The following GABRG1 variants were observed in gnomAD, a reference collection of about 807,000 sequenced individuals.
GABRG1 encodes gamma-aminobutyric acid type A receptor subunit gamma1, also known as gamma-aminobutyric acid receptor subunit gamma-1.
Under a neutral mutation model 49.8 loss-of-function variants are expected in GABRG1, and 49 were observed. That is an observed-to-expected ratio of 0.98 (90% confidence interval 0.78 to 1.25). The LOEUF (loss-of-function observed/expected upper bound fraction) is 1.25. GABRG1 is among the 50% of genes most tolerant of loss of function. The probability of loss-of-function intolerance (pLI) is 0.00; values close to 1 mark genes in which losing one functional copy is unlikely to be tolerated. For missense variants in GABRG1, 552 were observed against 552.3 expected (o/e 1.00, Z 0.01); for synonymous variants, 232 against 185.1 (o/e 1.25, Z -2.06).
chr4:46,108,657 G>A lies in GABRG1; in HGVS notation c.105-11308C>T, dbSNP rs934453494. Among the ~76,000 whole-genome samples, 13 of 150,802 alleles carry A rather than the reference G, an allele frequency of 8.6e-5. No individual in the cohort carries two copies. In the East Asian group the frequency reaches 2.6e-3, roughly 30 times the overall value. ...TTTTGTTTATGGATGCATCTCTAGT[G>A]ACTAGAGAAGTGATGGGCACTAAGT... On this transcript the variant is annotated intron_variant, in intron 1 of 8. Transcript: ENST00000295452.
At chr4:46,076,019 T>C (rs1719311900) in intron 3 of GABRG1, among the ~76,000 whole-genome samples, 1 of 151,864 alleles carries the variant, frequency 6.6e-6, no homozygotes, top group Non-Finnish European at 1.5e-5. Context: ...ATTATTGTGA[T>C]GATGGCTACC....
intron 5 of GABRG1, among the ~76,000 whole-genome samples, chr4:46,064,017 A>G (rs1309649300): frequency 6.6e-6 from 1 of 152,100 alleles, no homozygotes; most frequent in Non-Finnish European, 1.5e-5. Context: ...TTCGTATGGT[A>G]AATACTATTT....
intron 1 of GABRG1, among the ~76,000 whole-genome samples, chr4:46,098,450 G>T (rs1402398277): frequency 6.6e-6 from 1 of 151,702 alleles, no homozygotes; most frequent in Non-Finnish European, 1.5e-5. Context: ...ATATTTCAAA[G>T]ATGTGTTTCC....
At chr4:46,083,255 G>A (rs1337317636) in intron 3 of GABRG1, among the ~76,000 whole-genome samples, 2 of 151,778 alleles carry the variant, frequency 1.3e-5, no homozygotes, top group East Asian at 3.9e-4. Context: ...ACTGCAGTAG[G>A]TAAGCCCTTG....
At chr4:46,083,409 G>A (rs1719644047) in intron 3 of GABRG1, among the ~76,000 whole-genome samples, 1 of 151,566 alleles carries the variant, frequency 6.6e-6, no homozygotes, top group Non-Finnish European at 1.5e-5. Flanking sequence ...CTGGTAAAAT[G>A]TTTCCTGTCA....
chr4:46,095,007 A>C (rs1198524799), intron 2 of GABRG1, among the ~76,000 whole-genome samples: 1 of 151,934 alleles, frequency 6.6e-6, no homozygotes, highest in African/African-American at 2.4e-5. Flanking sequence ...AGAAAAAATC[A>C]CCTTGAATAA....
chr4:46,042,679 A>C (rs974247916), intron 8 of GABRG1, among the ~76,000 whole-genome samples: 1 of 152,070 alleles, frequency 6.6e-6, no homozygotes, highest in Non-Finnish European at 1.5e-5. Context: ...ATTCATGTCC[A>C]TTTTAGTTCT....
At chr4:46,062,877 GACAA>G (rs1438564432) in intron 5 of GABRG1, among the ~76,000 whole-genome samples, 1 of 151,916 alleles carries the variant, frequency 6.6e-6, no homozygotes, top group African/African-American at 2.4e-5. Flanking sequence ...ACCAATAACA[GACAA>G]ACAGAGAGCC....
chr4:46,062,069 T>A (rs1257073197), intron 5 of GABRG1, among the ~76,000 whole-genome samples: 1 of 127,330 alleles, frequency 7.9e-6, no homozygotes, highest in East Asian at 2.4e-4. Context: ...ATGTTCCCCT[T>A]CCTGTGTCCA....
intron 4 of GABRG1, among the ~76,000 whole-genome samples, chr4:46,065,056 C>G (rs539398676): frequency 6.6e-6 from 1 of 152,172 alleles, no homozygotes; most frequent in South Asian, 2.1e-4. Context: ...GGGTGGGTTT[C>G]TAGAGGAAAT....
intron 1 of GABRG1, among the ~76,000 whole-genome samples, chr4:46,107,720 CTGTTAACT>C (rs1346508015): frequency 1.3e-4 from 19 of 147,954 alleles, no homozygotes; most frequent in African/African-American, 5.0e-4. Flanking sequence ...TTCAAATATT[CTGTTAACT>C]TGTTGTTACT....
Position 46,123,126 on chromosome 4 carries a change from A to G in GABRG1, c.104+684T>C, listed in dbSNP as rs1488080511. Among the ~76,000 whole-genome samples, 3 of 151,184 alleles carry G rather than the reference A, an allele frequency of 2.0e-5. No individual in the cohort carries two copies. The East Asian group carries it at 5.8e-4, about 29-fold the overall frequency. On this transcript the variant is annotated intron_variant, in intron 1 of 8. Transcript: ENST00000295452. Reference sequence around the variant, plus strand: ...AACACACACACACACACACACACACACACACACACACACACACAGAGCCAA... The same window carrying G: ...AACACACACACACACACACACACACGCACACACACACACACACAGAGCCAA...
chr4:46,045,138 A>G (rs1370769975), intron 8 of GABRG1, among the ~76,000 whole-genome samples: 1 of 152,118 alleles, frequency 6.6e-6, no homozygotes, highest in Non-Finnish European at 1.5e-5. Flanking sequence ...GAACAGCTGG[A>G]ATTACTGATT....
intron 7 of GABRG1, among the ~76,000 whole-genome samples, chr4:46,052,227 A>AT (rs1718252109): frequency 8.5e-6 from 1 of 117,350 alleles, no homozygotes; most frequent in Admixed American, 8.1e-5. Context: ...TCGCCTTGAA[A>AT]TAAAAAAAAA....
chr4:46,059,709 A>G (rs941142199), intron 5 of GABRG1, among the ~76,000 whole-genome samples: 3 of 152,064 alleles, frequency 2.0e-5, no homozygotes, highest in Non-Finnish European at 4.4e-5. Flanking sequence ...CACCACGCCT[A>G]GCCACTAGCA....
chr4:46,117,138 T>C (rs976723229), intron 1 of GABRG1, among the ~76,000 whole-genome samples: 1 of 150,566 alleles, frequency 6.6e-6, no homozygotes, highest in East Asian at 2.0e-4. Flanking sequence ...ACAAATCACA[T>C]CTTGACATGA....
At chr4:46,121,623 A>G (rs1276233915) in intron 1 of GABRG1, among the ~76,000 whole-genome samples, 1 of 152,060 alleles carries the variant, frequency 6.6e-6, no homozygotes, top group East Asian at 1.9e-4. Flanking sequence ...AGAAAACAGT[A>G]TATGATGCAT....
chr4:46,098,035 T>A (rs1043884510), intron 1 of GABRG1, among the ~76,000 whole-genome samples: 82 of 151,818 alleles, frequency 5.4e-4, no homozygotes, highest in African/African-American at 1.9e-3. Flanking sequence ...GGAGATCAAA[T>A]AACTCTCTTC....
At chr4:46,102,210 T>G (rs549979026) in intron 1 of GABRG1, among the ~76,000 whole-genome samples, 204 of 151,806 alleles carry the variant, frequency 1.3e-3, no homozygotes, top group Non-Finnish European at 2.2e-3. Context: ...ATTTGCCACT[T>G]GGTTCTCCTG....
Sources: allele counts gnomAD v4.1 joint callset (sites outside exome capture counted in the v4.1 genomes callset), GRCh38; gene constraint gnomAD v4.1.1; transcripts MANE v1.5; gene names NCBI Gene and HGNC (gene_info 2026-07-23, HGNC 2026-07-21).